Variants in KBTBD11 observed in about 807,000 individuals in gnomAD.
The protein encoded by KBTBD11 is kelch repeat and BTB domain containing 11.
For synonymous variants in KBTBD11, 747 were observed against 499.0 expected (o/e 1.50, Z -6.63); for missense variants, 1,390 against 1,001.8 (o/e 1.39, Z -5.23).
chr8:2,002,711 C>T lies in KBTBD11; in HGVS notation c.1519C>T (p.Leu507=). 1 of 1,534,252 alleles carries T rather than the reference C, an allele frequency of 6.5e-7. No individual in the cohort carries two copies. Among genetic ancestry groups the T allele is most frequent in the Non-Finnish European group, 8.7e-7 (1 of 1,148,414 alleles). ...ALDGFIYRFD[L]SGSRGEAQAA... Reference sequence around the variant, plus strand: ...CGACGGCTTCATCTACCGCTTCGATCTGAGCGGCAGCCGCGGCGAGGCGCA... The same window carrying T: ...CGACGGCTTCATCTACCGCTTCGATTTGAGCGGCAGCCGCGGCGAGGCGCA... The change falls in exon 2 of 2, where the codon CTG becomes TTG. Residue 507 remains leucine, a synonymous_variant. Coordinates refer to ENST00000320248, the MANE Select transcript of KBTBD11 (RefSeq NM_014867.3). The surrounding 1 kb of genome is among the most constrained non-coding windows in gnomAD (Gnocchi z 4.1).
intron 1 of KBTBD11, among the ~76,000 whole-genome samples, chr8:1,979,888 C>G (rs17064479): frequency 0.75 from 113,664 of 152,124 alleles, 42,647 homozygotes; most frequent in South Asian, 0.85. Context: ...TCTTGGATCT[C>G]TTTGGGGAGT....
intron 1 of KBTBD11, among the ~76,000 whole-genome samples, chr8:1,996,249 A>G (rs1817132703): frequency 6.6e-6 from 1 of 152,232 alleles, no homozygotes; most frequent in East Asian, 1.9e-4. Context: ...GGATATAGGC[A>G]ATGCGTGTAG....
At chr8:1,979,665 T>C (rs1331478971) in intron 1 of KBTBD11, among the ~76,000 whole-genome samples, 1 of 152,210 alleles carries the variant, frequency 6.6e-6, no homozygotes, top group Admixed American at 6.5e-5. Context: ...TGGACTGTGA[T>C]TGACTAAATA....
chr8:2,005,793 G>C lies in KBTBD11; in HGVS notation c.*2729G>C, dbSNP rs1358122348. ...TCGTGAAATTAACCCATACGCAGGG[G>C]CCTTTCCAAATGTCTGAAAAGGCAG... On this transcript the variant is annotated 3_prime_UTR_variant, in exon 2 of 2. Coordinates refer to ENST00000320248, the MANE Select transcript of KBTBD11 (RefSeq NM_014867.3). 6.0e-6 allele frequency: 1 copy of C among 167,096 alleles called. No individual in the cohort carries two copies. The highest frequency in any genetic ancestry group is 2.4e-5 in the African/African-American group (1 of 41,464). The allele number at this position is 167,096 out of a possible 1,614,324, so 10.4% of individuals were successfully genotyped here.
In KBTBD11 at chr8:2,003,254, C is replaced by T. The variant is rs1358226698; in HGVS notation, c.*190C>T. 4 of 950,880 alleles carry T rather than the reference C, an allele frequency of 4.2e-6. No homozygotes were observed. Among genetic ancestry groups the T allele is most frequent in the South Asian group, 5.5e-5 (1 of 18,068 alleles). The allele number at this position is 950,880 out of a possible 1,614,324, so 58.9% of individuals were successfully genotyped here. ...GCTTTCCTTTTGCTTGTCTTTGCTT[C>T]TGGGGGTGGATGCCTTGAGACCCAG... On this transcript the variant is annotated 3_prime_UTR_variant, in exon 2 of 2. Transcript: ENST00000320248.
chr8:1,989,886 C>A (rs1355169726), intron 1 of KBTBD11, among the ~76,000 whole-genome samples: 1 of 148,818 alleles, frequency 6.7e-6, no homozygotes, highest in African/African-American at 2.5e-5. Context: ...TTTGTGAGGG[C>A]CAGCTCACTA....
At chr8:1,977,082 GTTTT>G (rs35601452) in intron 1 of KBTBD11, among the ~76,000 whole-genome samples, 2 of 145,434 alleles carry the variant, frequency 1.4e-5, no homozygotes, top group African/African-American at 5.1e-5. Flanking sequence ...AACATTATGA[GTTTT>G]TTTTTTTTTT....
At chr8:1,983,939 G>C (rs1292864502) in intron 1 of KBTBD11, among the ~76,000 whole-genome samples, 4 of 152,140 alleles carry the variant, frequency 2.6e-5, no homozygotes, top group Admixed American at 2.0e-4. Context: ...AGACCAGCCT[G>C]GCCAACAAGG....
chr8:1,989,419 C>T (rs1251123745), intron 1 of KBTBD11, among the ~76,000 whole-genome samples: 2 of 152,152 alleles, frequency 1.3e-5, no homozygotes, highest in Admixed American at 6.5e-5. Context: ...GCTCCCTGTC[C>T]AATCTTGTTT....
intron 1 of KBTBD11, chr8:1,976,190 G>C (rs1362569139): frequency 1.3e-5 from 2 of 152,140 alleles, no homozygotes; most frequent in Non-Finnish European, 2.9e-5. Flanking sequence ...TCACAAATCA[G>C]CCTGTCATTC....
intron 1 of KBTBD11, among the ~76,000 whole-genome samples, chr8:1,983,396 G>A (rs533144784): frequency 6.6e-6 from 1 of 152,198 alleles, no homozygotes; most frequent in Non-Finnish European, 1.5e-5. Context: ...CCAGGCAGCT[G>A]GGTGCTCCTT....
At position 2,001,576 on chromosome 8, in the gene KBTBD11, C is replaced by T. The variant is rs895593906; in HGVS notation, c.384C>T (p.Pro128=). 59 of 1,448,104 alleles carry T rather than the reference C, an allele frequency of 4.1e-5. No individual in the cohort carries two copies. The highest frequency in any genetic ancestry group is 4.4e-5 in the Non-Finnish European group (49 of 1,106,150). The allele number at this position is 1,448,104 out of a possible 1,614,324, so 89.7% of individuals were successfully genotyped here. A position where few individuals can be genotyped will look rare whatever the true frequency, so the allele number is the denominator to read the frequency against. ...ASPEEPGEPA[P]VPPGFGAVYG... ...CCGAGGAGCCCGGGGAGCCCGCGCC[C>T]GTACCCCCGGGGTTCGGGGCGGTGT... Residue 128 remains proline (P), a synonymous_variant, in exon 2 of 2, where the codon CCC becomes CCT. Transcript: ENST00000320248.
In KBTBD11 at chr8:2,001,281, C is replaced by T. The variant is rs1160870653; in HGVS notation, c.89C>T (p.Pro30Leu). 6.6e-7 allele frequency: 1 copy of T among 1,520,468 alleles called. No individual in the cohort carries two copies. Among genetic ancestry groups the T allele is most frequent in the South Asian group, 1.2e-5 (1 of 81,512 alleles). The allele number at this position is 1,520,468 out of a possible 1,614,324, so 94.2% of individuals were successfully genotyped here. Residue 30 changes from proline (P) to leucine (L), a missense_variant, in exon 2 of 2, where the codon CCG becomes CTG. Coordinates refer to ENST00000320248, the MANE Select transcript of KBTBD11 (RefSeq NM_014867.3). ...GESESEGAAS[P>L]AQTPCSLGAS... Reference sequence around the variant, plus strand: ...AGCGAGAGCGAGGGCGCCGCGTCCCCGGCGCAGACACCCTGCAGTCTCGGC... The same window carrying T: ...AGCGAGAGCGAGGGCGCCGCGTCCCTGGCGCAGACACCCTGCAGTCTCGGC...
chr8:2,003,486 A>G lies in KBTBD11; in HGVS notation c.*422A>G. Reference sequence around the variant, plus strand: ...GAACTATCGGGGGAAGCACGCAGAGAGGGTCACGCCTTTTATTTTTGGCTT... The same window carrying G: ...GAACTATCGGGGGAAGCACGCAGAGGGGGTCACGCCTTTTATTTTTGGCTT... On this transcript the variant is annotated 3_prime_UTR_variant, in exon 2 of 2. Transcript: ENST00000320248. The G allele has an allele frequency of 5.5e-6, 1 of 182,250 alleles. No homozygotes were observed. Among genetic ancestry groups the G allele is most frequent in the Middle Eastern group, 2.6e-3 (1 of 378 alleles). The allele number at this position is 182,250 out of a possible 1,614,324, so 11.3% of individuals were successfully genotyped here. A position where few individuals can be genotyped will look rare whatever the true frequency, so the allele number is the denominator to read the frequency against.
chr8:1,985,436 C>T (rs1816678281), intron 1 of KBTBD11, among the ~76,000 whole-genome samples: 1 of 152,280 alleles, frequency 6.6e-6, no homozygotes, highest in Admixed American at 6.5e-5. Context: ...TGGACAGTCT[C>T]CAGGGGAGAT....
chr8:1,991,216 C>T (rs571302730), intron 1 of KBTBD11, among the ~76,000 whole-genome samples: 10 of 152,250 alleles, frequency 6.6e-5, no homozygotes, highest in Non-Finnish European at 1.5e-4. Context: ...GGCACTCCTC[C>T]CTGCATGTGA....
Position 1,992,239 on chromosome 8 carries a change from C to T in KBTBD11, c.-908-8046C>T, listed in dbSNP as rs532313811. Among the ~76,000 whole-genome samples, 98 of 152,214 alleles carry T rather than the reference C, an allele frequency of 6.4e-4. 1 individual carries two copies. In the South Asian group the frequency reaches 0.015, roughly 23 times the overall value. On this transcript the variant is annotated intron_variant, in intron 1 of 1. Transcript: ENST00000320248. ...AGCCCGGGTTTTCTCAACTGTAAAA[C>T]GTGGCAGCGCTGCCTGCCTCCCAGG...
At chr8:1,984,114 G>A (rs1037795460) in intron 1 of KBTBD11, among the ~76,000 whole-genome samples, 12 of 151,840 alleles carry the variant, frequency 7.9e-5, no homozygotes, top group African/African-American at 2.4e-5. Flanking sequence ...AAGAGCGACC[G>A]TCTGAAAAAA....
In KBTBD11 at chr8:2,006,604, G is replaced by C. The variant is rs1219860747; in HGVS notation, c.*3540G>C. On this transcript the variant is annotated 3_prime_UTR_variant, in exon 2 of 2. Coordinates refer to ENST00000320248, the MANE Select transcript of KBTBD11 (RefSeq NM_014867.3). ...AGGAAGCCTGGACTGTGCAGCCTTC[G>C]GGCACCCGGCACAGACACTGTGCTG... 6.0e-6 allele frequency: 1 copy of C among 166,998 alleles called. No individual in the cohort carries two copies. Among genetic ancestry groups the C allele is most frequent in the Non-Finnish European group, 1.5e-5 (1 of 68,124 alleles). 10.3% of individuals were successfully genotyped at this position (166,998 alleles called of 1,614,324 possible). A position where few individuals can be genotyped will look rare whatever the true frequency, so the allele number is the denominator to read the frequency against.
Sources: allele counts gnomAD v4.1 joint callset (sites outside exome capture counted in the v4.1 genomes callset), GRCh38; gene constraint gnomAD v4.1.1; non-coding constraint Gnocchi (gnomAD v3.1); transcripts MANE v1.5; gene names NCBI Gene and HGNC (gene_info 2026-07-23, HGNC 2026-07-21).